ZNF385D: variants seen among roughly 807,000 people sequenced by gnomAD.
ZNF385D encodes zinc finger protein 659.
ZNF385D carries 15 observed loss-of-function variants against 35.8 expected under a neutral mutation model. The ratio of observed to expected loss-of-function variants is 0.42; its 90% CI spans 0.28 to 0.64. ZNF385D has a LOEUF of 0.64. Ranked by LOEUF, ZNF385D falls within the 30% of genes least tolerant of loss-of-function variation. The probability of loss-of-function intolerance (pLI) is 0.23; values close to 1 mark genes in which losing one functional copy is unlikely to be tolerated. For missense variants in ZNF385D, 474 were observed against 494.6 expected, an observed-to-expected ratio of 0.96 and a Z score of 0.39; for synonymous variants, 212 against 186.8, an observed-to-expected ratio of 1.13 and a Z score of -1.10.
chr3:22,325,514 A>G (rs1199282666), intron 2 of ZNF385D, among the ~76,000 whole-genome samples: 1 of 152,222 alleles, frequency 6.6e-6, no homozygotes, highest in African/African-American at 2.4e-5. Context: ...CTATAGTCCC[A>G]GCACCTTGGG....
intron 2 of ZNF385D, among the ~76,000 whole-genome samples, chr3:22,338,466 A>G (rs1695271261): frequency 6.6e-6 from 1 of 151,830 alleles, no homozygotes; most frequent in African/African-American, 2.4e-5. Flanking sequence ...AAAAGAGGTG[A>G]GTAAAGTCAG....
intron 3 of ZNF385D, among the ~76,000 whole-genome samples, chr3:21,947,317 C>A (rs1376610521): frequency 6.6e-6 from 1 of 151,754 alleles, no homozygotes; most frequent in African/African-American, 2.4e-5. Flanking sequence ...AAAGTTATGT[C>A]TTTCAAGGCT....
intron 3 of ZNF385D, among the ~76,000 whole-genome samples, chr3:21,907,700 T>C (rs1168768424): frequency 1.3e-5 from 2 of 152,128 alleles, no homozygotes; most frequent in East Asian, 1.9e-4. Flanking sequence ...CAGTACATCC[T>C]CAAAATTGTC....
intron 3 of ZNF385D, among the ~76,000 whole-genome samples, chr3:21,531,867 G>C (rs1426100833): frequency 6.6e-6 from 1 of 152,240 alleles, no homozygotes; most frequent in Non-Finnish European, 1.5e-5. Flanking sequence ...CACCAATTAC[G>C]AACCCTAAAG....
At chr3:22,308,900 A>G (rs1299940745) in intron 2 of ZNF385D, among the ~76,000 whole-genome samples, 2 of 152,108 alleles carry the variant, frequency 1.3e-5, no homozygotes, top group Non-Finnish European at 2.9e-5. Flanking sequence ...TGCAGATTGC[A>G]AGTTAATAAA....
intron 2 of ZNF385D, among the ~76,000 whole-genome samples, chr3:22,202,149 C>T (rs2695629): frequency 6.6e-6 from 1 of 151,734 alleles, no homozygotes; most frequent in Non-Finnish European, 1.5e-5. Context: ...TCTATGTATT[C>T]ATAGTTAACT....
chr3:22,368,646 C>A (rs1175262508), intron 2 of ZNF385D, among the ~76,000 whole-genome samples: 1 of 152,174 alleles, frequency 6.6e-6, no homozygotes, highest in African/African-American at 2.4e-5. Context: ...CTTGCTGCAT[C>A]TTCACATGAC....
At chr3:21,927,455 T>C (rs2125237913) in intron 3 of ZNF385D, among the ~76,000 whole-genome samples, 1 of 152,246 alleles carries the variant, frequency 6.6e-6, no homozygotes, top group Non-Finnish European at 1.5e-5. Flanking sequence ...TGAAAACAAC[T>C]CGTATGTTCT....
intron 3 of ZNF385D, among the ~76,000 whole-genome samples, chr3:22,160,914 T>C (rs1009778182): frequency 6.6e-6 from 1 of 152,138 alleles, no homozygotes; most frequent in Non-Finnish European, 1.5e-5. Context: ...TGAAACTGAA[T>C]TAATTTGCCA....
chr3:21,658,634 C>G (rs1435319432), intron 2 of ZNF385D, among the ~76,000 whole-genome samples: 3 of 151,886 alleles, frequency 2.0e-5, no homozygotes, highest in African/African-American at 7.2e-5. Flanking sequence ...AAAAAATGTG[C>G]GTTGAGTCTT....
At chr3:22,157,193 T>C (rs1320971810) in intron 3 of ZNF385D, among the ~76,000 whole-genome samples, 1 of 152,134 alleles carries the variant, frequency 6.6e-6, no homozygotes, top group Non-Finnish European at 1.5e-5. Context: ...TTTGGCAAAT[T>C]TCTTTACTTT....
chr3:21,866,066 T>C (rs1031650617), intron 3 of ZNF385D, among the ~76,000 whole-genome samples: 3 of 150,740 alleles, frequency 2.0e-5, no homozygotes, highest in Non-Finnish European at 3.0e-5. Context: ...AGTATGTGTA[T>C]GTACAAATAT....
chr3:22,250,434 G>C (rs1700005537), intron 2 of ZNF385D, among the ~76,000 whole-genome samples: 1 of 151,966 alleles, frequency 6.6e-6, no homozygotes, highest in South Asian at 2.1e-4. Flanking sequence ...AGAAAAAAAT[G>C]CCATTTATTT....
At chr3:22,170,780 G>A (rs928895316) in intron 2 of ZNF385D, among the ~76,000 whole-genome samples, 1 of 152,082 alleles carries the variant, frequency 6.6e-6, no homozygotes, top group African/African-American at 2.4e-5. Flanking sequence ...AACTTCTTTT[G>A]TCTAGAGTTG....
intron 3 of ZNF385D, among the ~76,000 whole-genome samples, chr3:21,960,821 C>G (rs1702546193): frequency 2.0e-5 from 3 of 152,070 alleles, no homozygotes; most frequent in Admixed American, 2.0e-4. Context: ...TGAAATAAGT[C>G]AGGCACAGAA....
chr3:21,844,863 T>C (rs1695899396), intron 3 of ZNF385D, among the ~76,000 whole-genome samples: 1 of 151,986 alleles, frequency 6.6e-6, no homozygotes, highest in African/African-American at 2.4e-5. Context: ...AGTATCAGTA[T>C]ATAGCATACA....
At chr3:21,938,172 CCAT>C (rs1701350721) in intron 3 of ZNF385D, among the ~76,000 whole-genome samples, 1 of 152,028 alleles carries the variant, frequency 6.6e-6, no homozygotes, top group South Asian at 2.1e-4. Context: ...GTAAATGTAC[CCAT>C]TTTAGTCGGA....
chr3:21,577,105 C>T (rs969490380), intron 2 of ZNF385D, among the ~76,000 whole-genome samples: 1 of 152,118 alleles, frequency 6.6e-6, no homozygotes, highest in African/African-American at 2.4e-5. Context: ...AGAACTTATT[C>T]TTCCTATCCA....
intron 2 of ZNF385D, among the ~76,000 whole-genome samples, chr3:22,355,866 C>T (rs933348748): frequency 3.3e-5 from 5 of 151,928 alleles, no homozygotes; most frequent in South Asian, 4.2e-4. Flanking sequence ...TAACAAAGAA[C>T]AATTTATTTT....
Sources: gnomAD v4.1 joint callset for allele counts (sites outside exome capture counted in the v4.1 genomes callset) on GRCh38, gnomAD v4.1.1 for gene constraint, MANE v1.5 for transcripts, NCBI Gene and HGNC (gene_info 2026-07-23, HGNC 2026-07-21) for gene names.